MYRIP: variants seen among roughly 807,000 people sequenced by gnomAD.
The protein encoded by MYRIP is myosin VIIA and Rab interacting protein.
In MYRIP, 49 loss-of-function variants were observed where a neutral mutation model predicts 98.0. That is an observed-to-expected ratio of 0.50 (90% CI 0.40 to 0.63). MYRIP has a LOEUF of 0.63. MYRIP is among the 30% of genes least tolerant of loss of function. The probability of loss-of-function intolerance (pLI) is 0.00; values close to 1 mark genes in which losing one functional copy is unlikely to be tolerated. For missense variants in MYRIP, 1,004 were observed against 1,058.2 expected (o/e 0.95, Z 0.71); for synonymous variants, 404 against 409.5 (o/e 0.99, Z 0.16).
intron 10 of MYRIP, among the ~76,000 whole-genome samples, chr3:40,201,881 T>C (rs1253640637): frequency 1.3e-5 from 2 of 152,142 alleles, no homozygotes; most frequent in African/African-American, 2.4e-5. Flanking sequence ...AGGGAAAACT[T>C]CTACCTTTAG....
chr3:40,090,801 G>A (rs1270597583), intron 3 of MYRIP, among the ~76,000 whole-genome samples: 1 of 152,150 alleles, frequency 6.6e-6, no homozygotes, highest in African/African-American at 2.4e-5. Flanking sequence ...CTTGGTGTAT[G>A]TTTCCTGAAT....
intron 3 of MYRIP, among the ~76,000 whole-genome samples, chr3:40,083,353 T>C (rs937700403): frequency 6.6e-6 from 1 of 152,228 alleles, no homozygotes; most frequent in Admixed American, 6.5e-5. Context: ...TTGTCAGTGT[T>C]GGAGGCCAGA....
At chr3:39,878,914 AAAAT>A (rs1264436000) in intron 1 of MYRIP, among the ~76,000 whole-genome samples, 1 of 151,430 alleles carries the variant, frequency 6.6e-6, no homozygotes, top group Non-Finnish European at 1.5e-5. Flanking sequence ...AAAAAAAAAA[AAAAT>A]AGCTGGGCAT....
At chr3:40,172,539 A>G (rs1950640099) in intron 8 of MYRIP, among the ~76,000 whole-genome samples, 1 of 152,194 alleles carries the variant, frequency 6.6e-6, no homozygotes, top group African/African-American at 2.4e-5. Flanking sequence ...AGACGTGGAC[A>G]TAGCTATTGC....
At chr3:40,246,550 A>C (rs1339174484) in intron 13 of MYRIP, among the ~76,000 whole-genome samples, 2 of 152,162 alleles carry the variant, frequency 1.3e-5, no homozygotes, top group East Asian at 3.9e-4. Flanking sequence ...ACCCATGAAG[A>C]TAAGCTATTA....
At chr3:39,868,115 T>C (rs1000689789) in intron 1 of MYRIP, among the ~76,000 whole-genome samples, 2 of 152,122 alleles carry the variant, frequency 1.3e-5, no homozygotes, top group Admixed American at 6.6e-5. Context: ...ACCATATACT[T>C]TTGGGCCCTG....
rs374802094 is a variant in MYRIP at position 40,058,070 on chromosome 3, C to G, written c.332+13799C>G. Among the ~76,000 whole-genome samples, 3 of 152,152 alleles carry G rather than the reference C, an allele frequency of 2.0e-5. No individual in the cohort carries two copies. In the East Asian group the frequency reaches 5.8e-4, roughly 29 times the overall value. Reference sequence around the variant, plus strand: ...ATTTACTTTATAAAATATTTAGCACCATATCATTGTTTATGATTATGAAAC... The same window carrying G: ...ATTTACTTTATAAAATATTTAGCACGATATCATTGTTTATGATTATGAAAC... On this transcript the variant is annotated intron_variant, in intron 3 of 16. Coordinates refer to ENST00000302541, the MANE Select transcript of MYRIP (RefSeq NM_015460.4).
intron 1 of MYRIP, among the ~76,000 whole-genome samples, chr3:39,875,936 T>C (rs976602447): frequency 1.3e-5 from 2 of 152,088 alleles, no homozygotes; most frequent in Admixed American, 1.3e-4. Context: ...ATGTTGACAG[T>C]GGGGTGTTAA....
At chr3:40,163,841 G>T (rs1256609171) in intron 5 of MYRIP, among the ~76,000 whole-genome samples, 1 of 152,052 alleles carries the variant, frequency 6.6e-6, no homozygotes, top group African/African-American at 2.4e-5. Flanking sequence ...ATATCCTATT[G>T]GTTCTGTTTC....
chr3:40,189,695 T>C (rs1394350570), intron 9 of MYRIP, 131 bp from the exon 10 acceptor site: 1 of 984,008 alleles, frequency 1.0e-6, no homozygotes, highest in Non-Finnish European at 1.5e-6. Context: ...TTTGCCTTCC[T>C]GGGCTTCCTA....
At chr3:40,245,631 C>CAGAGTGA (rs1439379805) in intron 13 of MYRIP, among the ~76,000 whole-genome samples, 1 of 104,230 alleles carries the variant, frequency 9.6e-6, no homozygotes, top group Non-Finnish European at 1.8e-5. Context: ...CCTGGGGCAA[C>CAGAGTGA]AGAGTGAGAC....
At chr3:40,016,747 C>T (rs749437213) in intron 2 of MYRIP, among the ~76,000 whole-genome samples, 1 of 152,220 alleles carries the variant, frequency 6.6e-6, no homozygotes. Flanking sequence ...GTATCTCAAA[C>T]TTAATGTCTC....
intron 1 of MYRIP, among the ~76,000 whole-genome samples, chr3:39,830,848 A>C (rs980303597): frequency 3.3e-5 from 5 of 152,194 alleles, no homozygotes; most frequent in African/African-American, 9.7e-5. Flanking sequence ...AAACTGCTAA[A>C]AAAGAGTTGT....
intron 2 of MYRIP, among the ~76,000 whole-genome samples, chr3:40,005,571 T>A (rs1946612605): frequency 6.6e-6 from 1 of 152,226 alleles, no homozygotes; most frequent in Non-Finnish European, 1.5e-5. Context: ...GAAAATAGAT[T>A]TCATAGGCAG....
chr3:40,185,166 A>G (rs186734110), intron 9 of MYRIP, among the ~76,000 whole-genome samples: 1 of 152,330 alleles, frequency 6.6e-6, no homozygotes, highest in East Asian at 1.9e-4. Flanking sequence ...TTTATGCCTC[A>G]GGAGAAGGGT....
At position 39,977,182 on chromosome 3, in the gene MYRIP, A is replaced by G. The variant is rs12630922; in HGVS notation, c.111-66868A>G. Among the ~76,000 whole-genome samples the G allele has an allele frequency of 4.9e-4, 74 of 152,262 alleles. No individual in the cohort carries two copies. In the East Asian group the frequency reaches 0.013, roughly 28 times the overall value. On this transcript the variant is annotated intron_variant, in intron 2 of 16. Transcript: ENST00000302541. Reference sequence around the variant, plus strand: ...GCCCACTTCCCTCCTCACGTTATCCACTAAGGAATGCCTCCAAAGAAAACA... The same window carrying G: ...GCCCACTTCCCTCCTCACGTTATCCGCTAAGGAATGCCTCCAAAGAAAACA...
intron 3 of MYRIP, among the ~76,000 whole-genome samples, chr3:40,084,992 A>G (rs1477757698): frequency 1.3e-5 from 2 of 150,916 alleles, no homozygotes; most frequent in Admixed American, 6.6e-5. Flanking sequence ...TCGATAATAT[A>G]TATCTGTGTT....
chr3:39,867,769 C>A (rs1942668722), intron 1 of MYRIP, among the ~76,000 whole-genome samples: 1 of 152,118 alleles, frequency 6.6e-6, no homozygotes, highest in South Asian at 2.1e-4. Flanking sequence ...CATAGGACTG[C>A]CATATGATCC....
intron 2 of MYRIP, among the ~76,000 whole-genome samples, chr3:39,955,054 G>A (rs986236879): frequency 1.7e-4 from 26 of 152,288 alleles, no homozygotes; most frequent in Admixed American, 9.8e-4. Flanking sequence ...TCTGATTGGC[G>A]TACCTGAAAG....
Sources: allele counts gnomAD v4.1 joint callset (sites outside exome capture counted in the v4.1 genomes callset), GRCh38; gene constraint gnomAD v4.1.1; transcripts MANE v1.5; gene names NCBI Gene and HGNC (gene_info 2026-07-23, HGNC 2026-07-21).